The following TBC1D32 variants were observed in gnomAD, a reference collection of about 807,000 sequenced individuals.
The protein encoded by TBC1D32 is protein broad-minded.
Under a neutral mutation model 170.3 loss-of-function variants are expected in TBC1D32, and 151 were observed. The ratio of observed to expected loss-of-function variants is 0.89; its 90% confidence interval spans 0.78 to 1.01. The LOEUF (loss-of-function observed/expected upper bound fraction) is 1.01. Ranked by LOEUF, TBC1D32 falls within the 50% of genes least tolerant of loss-of-function variation. The pLI is 0.00. For missense variants in TBC1D32, 1,464 were observed against 1,457.1 expected (o/e 1.00, Z -0.08); for synonymous variants, 498 against 488.0 (o/e 1.02, Z -0.27).
At chr6:121,333,572 T>G (rs6909602) in intron 1 of TBC1D32, among the ~76,000 whole-genome samples, 147,501 of 152,242 alleles carry the variant, frequency 0.97, 71,663 homozygotes, top group East Asian at 1. Context: ...TGCGGCCACT[T>G]AAAATATCAG....
At chr6:121,116,673 G>T (rs1356185217) in intron 26 of TBC1D32, among the ~76,000 whole-genome samples, 1 of 152,152 alleles carries the variant, frequency 6.6e-6, no homozygotes, top group African/African-American at 2.4e-5. Context: ...ATTCTATCAG[G>T]AAACACTGAC....
intron 3 of TBC1D32, among the ~76,000 whole-genome samples, chr6:121,312,418 T>C (rs969395564): frequency 2.6e-5 from 4 of 152,206 alleles, no homozygotes; most frequent in African/African-American, 7.2e-5. Flanking sequence ...TAAGATGGTG[T>C]CTTGCTGCAG....
intron 29 of TBC1D32, among the ~76,000 whole-genome samples, chr6:121,107,284 C>A (rs1436809765): frequency 6.6e-6 from 1 of 151,828 alleles, no homozygotes; most frequent in Non-Finnish European, 1.5e-5. Flanking sequence ...GAGTTATACA[C>A]TAAAGTTTCT....
At chr6:121,122,239 T>A (rs1002822985) in intron 26 of TBC1D32, among the ~76,000 whole-genome samples, 3 of 151,988 alleles carry the variant, frequency 2.0e-5, no homozygotes, top group African/African-American at 7.2e-5. Context: ...GACATCCTCA[T>A]CTCAGCCATT....
At chr6:121,326,045 G>A (rs978877941) in intron 1 of TBC1D32, among the ~76,000 whole-genome samples, 1 of 152,174 alleles carries the variant, frequency 6.6e-6, no homozygotes, top group African/African-American at 2.4e-5. Context: ...GGTCATTAGA[G>A]AAATGCAAAT....
chr6:121,215,691 G>A (rs1164551986), intron 21 of TBC1D32, among the ~76,000 whole-genome samples: 1 of 151,650 alleles, frequency 6.6e-6, no homozygotes, highest in East Asian at 1.9e-4. Flanking sequence ...GTGGGCAAAG[G>A]ACATGAACAG....
intron 22 of TBC1D32, among the ~76,000 whole-genome samples, chr6:121,200,495 C>T (rs1791399783): frequency 6.6e-6 from 1 of 151,564 alleles, no homozygotes; most frequent in African/African-American, 2.4e-5. Flanking sequence ...GTTTAAGCTG[C>T]TAAGCCTTGG....
chr6:121,122,330 A>G (rs1212729177), intron 26 of TBC1D32, among the ~76,000 whole-genome samples: 2 of 152,070 alleles, frequency 1.3e-5, no homozygotes, highest in Non-Finnish European at 2.9e-5. Flanking sequence ...CACCACAGCC[A>G]CAATGCTCTT....
At chr6:121,288,124 C>T (rs1485903171) in intron 12 of TBC1D32, among the ~76,000 whole-genome samples, 1 of 152,074 alleles carries the variant, frequency 6.6e-6, no homozygotes, top group African/African-American at 2.4e-5. Context: ...CATTCAAAAG[C>T]TAGCAGAAGG....
intron 21 of TBC1D32, among the ~76,000 whole-genome samples, chr6:121,206,142 G>A (rs573820490): frequency 2.6e-5 from 4 of 151,484 alleles, no homozygotes; most frequent in African/African-American, 4.8e-5. Context: ...TCCAGGAGGC[G>A]GAGGTTGCAG....
intron 5 of TBC1D32, among the ~76,000 whole-genome samples, chr6:121,307,241 A>AG: frequency 6.6e-6 from 1 of 151,918 alleles, no homozygotes; most frequent in Middle Eastern, 3.4e-3. Context: ...CAGGCATGGT[A>AG]GTGCATGCCT....
chr6:121,180,889 T>G (rs1286371886), intron 22 of TBC1D32, among the ~76,000 whole-genome samples: 2 of 151,864 alleles, frequency 1.3e-5, no homozygotes, highest in East Asian at 3.9e-4. Context: ...CAGTAACAAA[T>G]AATGATAATA....
At chr6:121,089,907 G>T (rs749309906) in intron 31 of TBC1D32, among the ~76,000 whole-genome samples, 3 of 151,720 alleles carry the variant, frequency 2.0e-5, no homozygotes, top group Non-Finnish European at 4.4e-5. Context: ...AGGTAGTAGG[G>T]ATAAGGAAAC....
Position 121,159,009 on chromosome 6 carries a change from T to A in TBC1D32, c.2773+1001A>T, listed in dbSNP as rs573493514. On this transcript the variant is annotated intron_variant, in intron 24 of 31. Coordinates refer to ENST00000398212, the MANE Select transcript of TBC1D32 (RefSeq NM_152730.6). ...TTCCAAATCTCAGACATTGTTCAAC[T>A]ACCACAGTTCTCTGACTATAACTTG... Among the ~76,000 whole-genome samples, 10 of 152,284 alleles carry A rather than the reference T, an allele frequency of 6.6e-5. No individual in the cohort carries two copies. In the East Asian group the frequency reaches 1.3e-3, roughly 21 times the overall value.
chr6:121,130,265 T>G (rs1781290458), intron 25 of TBC1D32, among the ~76,000 whole-genome samples: 1 of 152,078 alleles, frequency 6.6e-6, no homozygotes, highest in Non-Finnish European at 1.5e-5. Flanking sequence ...GTGGATCACC[T>G]GAGATCAGGA....
intron 15 of TBC1D32, among the ~76,000 whole-genome samples, chr6:121,277,671 A>C (rs543673309): frequency 2.0e-5 from 3 of 151,840 alleles, no homozygotes; most frequent in Non-Finnish European, 4.4e-5. Context: ...ATTATAAAAA[A>C]AGAAAAGAGC....
At chr6:121,325,992 T>G (rs1004651018) in intron 1 of TBC1D32, among the ~76,000 whole-genome samples, 31 of 152,264 alleles carry the variant, frequency 2.0e-4, no homozygotes, top group African/African-American at 7.5e-4. Flanking sequence ...AAAGAAGACA[T>G]TTACGCAGCC....
At chr6:121,329,960 C>G (rs1395399293) in intron 1 of TBC1D32, among the ~76,000 whole-genome samples, 1 of 152,106 alleles carries the variant, frequency 6.6e-6, no homozygotes, top group Admixed American at 6.6e-5. Context: ...ACTAGGAATG[C>G]ATTCATTAAT....
chr6:121,129,884 C>G, intron 25 of TBC1D32: 1 of 449,682 alleles, frequency 2.2e-6, no homozygotes, highest in Non-Finnish European at 4.5e-6. Flanking sequence ...TTTATACTCT[C>G]GATGGTATCT....
Sources: allele counts gnomAD v4.1 joint callset (sites outside exome capture counted in the v4.1 genomes callset), GRCh38; gene constraint gnomAD v4.1.1; transcripts MANE v1.5; gene names NCBI Gene and HGNC (gene_info 2026-07-23, HGNC 2026-07-21).